Variants in PPIL2 observed in about 807,000 individuals in gnomAD.
The protein encoded by PPIL2 is RING-type E3 ubiquitin-protein ligase PPIL2.
A neutral mutation model predicts 75.2 loss-of-function variants in PPIL2; 50 were observed. The observed-to-expected ratio is 0.66, with a 90% confidence interval of 0.53 to 0.84. The LOEUF (loss-of-function observed/expected upper bound fraction) is 0.84, where lower values mean the gene tolerates loss of function less well. PPIL2 is among the 40% of genes least tolerant of loss of function. The pLI is 0.00. For synonymous variants in PPIL2, 245 were observed against 258.8 expected (o/e 0.95, Z 0.51); for missense variants, 590 against 685.0 (o/e 0.86, Z 1.55).
intron 4 of PPIL2, among the ~76,000 whole-genome samples, chr22:21,671,262 G>A (rs910277826): frequency 2.6e-5 from 4 of 152,208 alleles, no homozygotes; most frequent in Non-Finnish European, 4.4e-5. Context: ...CTGGAATGGG[G>A]TAGACCACCC....
chr22:21,685,614 C>A (rs2067324116), intron 10 of PPIL2: 1 of 401,446 alleles, frequency 2.5e-6, no homozygotes, highest in African/African-American at 2.1e-5. Context: ...TGATATATTA[C>A]TTTTTTTTTT....
chr22:21,686,372 C>T, intron 10 of PPIL2, 111 bp from the exon 11 acceptor site: 1 of 1,036,232 alleles, frequency 9.7e-7, no homozygotes, highest in Non-Finnish European at 1.5e-6. Context: ...AGGCACCAAG[C>T]AGGGCCTGGG....
chr22:21,690,987 G>A (rs2067601477), intron 15 of PPIL2, among the ~76,000 whole-genome samples: 1 of 117,514 alleles, frequency 8.5e-6, no homozygotes, highest in African/African-American at 3.2e-5. Context: ...TTTTTGAGAT[G>A]GAGTTTCACT....
In PPIL2 at chr22:21,686,529, C is replaced by T. The variant is rs770568621; in HGVS notation, c.761C>T (p.Ala254Val). 32 of 1,614,044 alleles carry T rather than the reference C, an allele frequency of 2.0e-5. 1 individual carries two copies. The highest frequency in any genetic ancestry group is 3.3e-5 in the Admixed American group (2 of 60,010). Residue 254 changes from alanine to valine, a missense_variant, in exon 11 of 20, where the codon GCG becomes GTG. By Grantham distance (64) the Ala-to-Val change is moderately conservative. Transcript: ENST00000398831. ...GTCAGCGCTTCCTTCACCTCCACCG[C>T]GATGGTCCCGGAGACCACACATGAA... Reference protein sequence around the residue: ...GKVSASFTSTAMVPETTHEAA... With the variant: ...GKVSASFTSTVMVPETTHEAA...
intron 6 of PPIL2, among the ~76,000 whole-genome samples, chr22:21,678,003 T>C (rs2066950284): frequency 6.6e-6 from 1 of 152,164 alleles, no homozygotes; most frequent in Non-Finnish European, 1.5e-5. Context: ...CAAGGGTGTC[T>C]GTGCCCAGCT....
intron 6 of PPIL2, among the ~76,000 whole-genome samples, chr22:21,676,295 TTTA>T (rs1275731070): frequency 7.6e-6 from 1 of 131,808 alleles, no homozygotes; most frequent in Non-Finnish European, 1.6e-5. Context: ...TCAGCAAATA[TTTA>T]TTTATTTATT....
intron 16 of PPIL2, 98 bp from the exon 17 acceptor site, chr22:21,694,495 T>C: frequency 7.2e-7 from 1 of 1,381,258 alleles, no homozygotes; most frequent in Non-Finnish European, 1.0e-6. Flanking sequence ...CAGGCCAGCC[T>C]CGGGGCTCTC....
Position 21,695,693 on chromosome 22 carries a change from C to T in PPIL2, c.*203C>T, listed in dbSNP as rs745384453. Reference sequence around the variant, plus strand: ...TTGCCAAGGGCCTTGGCCCTGTTTCCAGGACCTGGCCCAGCCAGAGCCCAC... The same window carrying T: ...TTGCCAAGGGCCTTGGCCCTGTTTCTAGGACCTGGCCCAGCCAGAGCCCAC... On this transcript the variant is annotated 3_prime_UTR_variant, in exon 20 of 20. Coordinates refer to ENST00000398831, the MANE Select transcript of PPIL2 (RefSeq NM_014337.4). 94 of 1,386,486 alleles carry T rather than the reference C, an allele frequency of 6.8e-5. No individual in the cohort carries two copies. In the Middle Eastern group the frequency reaches 3.0e-3, roughly 45 times the overall value. The allele number at this position is 1,386,486 out of a possible 1,614,324, so 85.9% of individuals were successfully genotyped here. A position where few individuals can be genotyped will look rare whatever the true frequency, so the allele number is the denominator to read the frequency against.
intron 15 of PPIL2, among the ~76,000 whole-genome samples, chr22:21,690,478 A>G (rs1336583929): frequency 6.6e-6 from 1 of 151,806 alleles, no homozygotes; most frequent in Admixed American, 6.6e-5. Flanking sequence ...CTTTCATTTC[A>G]GGGTTAACGG....
chr22:21,681,450 A>G, intron 7 of PPIL2, 60 bp downstream of exon 7: 1 of 1,445,454 alleles, frequency 6.9e-7, no homozygotes, highest in Non-Finnish European at 9.7e-7. Flanking sequence ...GTGTGTTCCT[A>G]GTATACACTG....
At position 21,677,374 on chromosome 22, in the gene PPIL2, G is replaced by A. The variant is rs1007709757; in HGVS notation, c.295+2259G>A. ...TGGGAGGTGGAGGTTGTAGCTAGCCGAGATCACGCCACTGCACTCCAGCCT... is the reference window on the plus strand; with the variant it reads ...TGGGAGGTGGAGGTTGTAGCTAGCCAAGATCACGCCACTGCACTCCAGCCT... On this transcript the variant is annotated intron_variant, in intron 6 of 19. Transcript: ENST00000398831. 4.8e-4 allele frequency among the ~76,000 whole-genome samples: 73 copies of A among 152,316 alleles called. 1 individual carries two copies. Among genetic ancestry groups the A allele is most frequent in the Admixed American group, 1.7e-3 (26 of 15,296 alleles).
At chr22:21,679,111 G>T (rs1018660793) in intron 6 of PPIL2, among the ~76,000 whole-genome samples, 2 of 151,858 alleles carry the variant, frequency 1.3e-5, no homozygotes, top group African/African-American at 4.8e-5. Flanking sequence ...GGTCAGGCTG[G>T]TCTCAAACTC....
chr22:21,696,890 C>CTGA lies in PPIL2; in HGVS notation c.*1404_*1406dup. 1 of 1,592,138 alleles carries CTGA rather than the reference C, an allele frequency of 6.3e-7. No individual in the cohort carries two copies. Among genetic ancestry groups the CTGA allele is most frequent in the Non-Finnish European group, 8.5e-7 (1 of 1,169,908 alleles). On this transcript the variant is annotated 3_prime_UTR_variant, in exon 20 of 20. Transcript: ENST00000398831. ...CACCCCATCCACTGCCACAGGCTGCCTGATGACCACTAGAGGTATGTCTGC... is the reference window on the plus strand; with the variant it reads ...CACCCCATCCACTGCCACAGGCTGCCTGATGATGACCACTAGAGGTATGTCTGC...
intron 1 of PPIL2, 34 bp downstream of exon 1, chr22:21,666,165 C>G: frequency 6.3e-7 from 1 of 1,595,410 alleles, no homozygotes; most frequent in Non-Finnish European, 8.6e-7. Context: ...CGGCGCTCCA[C>G]TCTGCCTCAG....
At position 21,666,152 on chromosome 22, in the gene PPIL2, G is replaced by A. The variant is rs957820876; in HGVS notation, c.32+21G>A. The A allele has an allele frequency of 1.9e-6, 3 of 1,607,846 alleles. No homozygotes were observed. The African/African-American group carries it at 4.0e-5, about 21-fold the overall frequency. On this transcript the variant is annotated intron_variant, in intron 1 of 19. Transcript: ENST00000398831. The stretch of plus-strand genomic sequence containing the variant: ...AAAATGTAAGTTGAGCCGCAGTCGG[G>A]AGCGGCGCTCCACTCTGCCTCAGTG...
intron 1 of PPIL2, among the ~76,000 whole-genome samples, chr22:21,666,515 T>C (rs1431064075): frequency 1.3e-5 from 2 of 152,166 alleles, no homozygotes; most frequent in African/African-American, 4.8e-5. Context: ...AGCCTTCTAA[T>C]TTAAAGCAAA....
At chr22:21,681,741 C>A (rs572131727) in intron 7 of PPIL2, among the ~76,000 whole-genome samples, 1 of 152,224 alleles carries the variant, frequency 6.6e-6, no homozygotes, top group Non-Finnish European at 1.5e-5. Context: ...GGGGAGTGCT[C>A]GCCCCGGATC....
intron 2 of PPIL2, 115 bp downstream of exon 2, chr22:21,670,077 G>A (rs2066573205): frequency 8.0e-6 from 9 of 1,122,332 alleles, no homozygotes; most frequent in South Asian, 6.5e-5. Flanking sequence ...TATGGTAGAC[G>A]AATGGGCTGA....
At chr22:21,675,250 T>G in intron 6 of PPIL2, 135 bp downstream of exon 6, 1 of 857,650 alleles carries the variant, frequency 1.2e-6, no homozygotes, top group Non-Finnish European at 1.9e-6. Context: ...GCAAAAAGTG[T>G]CACAGGGCTG....
Sources: gnomAD v4.1 joint callset for allele counts (sites outside exome capture counted in the v4.1 genomes callset) on GRCh38, gnomAD v4.1.1 for gene constraint, MANE v1.5 for transcripts, NCBI Gene and HGNC (gene_info 2026-07-23, HGNC 2026-07-21) for gene names.